The following LRIG2 variants were observed in gnomAD, a reference collection of about 807,000 sequenced individuals.
The protein encoded by LRIG2 is leucine rich repeats and immunoglobulin like domains 2.
A neutral mutation model predicts 107.8 loss-of-function variants in LRIG2; 93 were observed. That is an observed-to-expected ratio of 0.86 (90% CI 0.73 to 1.03). The LOEUF is 1.03. LRIG2 is among the 50% of genes least tolerant of loss of function. The probability of loss-of-function intolerance (pLI) is 0.00; values close to 1 mark genes in which losing one functional copy is unlikely to be tolerated. For missense variants in LRIG2, 1,226 were observed against 1,296.0 expected (o/e 0.95, Z 0.83); for synonymous variants, 471 against 470.6 (o/e 1.00, Z -0.01).
rs749665205 is a variant in LRIG2, at chr1:113,094,654, A to G, written c.702A>G (p.Thr234=). The G allele has an allele frequency of 1.2e-6, 2 of 1,613,872 alleles. No homozygotes were observed. The highest frequency in any genetic ancestry group is 1.7e-6 in the Non-Finnish European group (2 of 1,179,808). The change falls in exon 6 of 18, where the codon ACA becomes ACG. Residue 234 remains threonine, a synonymous_variant. Transcript: ENST00000361127. ...GAATTAAAATTGTGGAAGGTCTTAC[A>G]TTCCAAGGGCTTGACTCCTTAAGAT... ...RNRIKIVEGL[T]FQGLDSLRSL...
chr1:113,116,484 G>T, intron 16 of LRIG2, 48 bp downstream of exon 16: 2 of 1,506,488 alleles, frequency 1.3e-6, no homozygotes, highest in Non-Finnish European at 1.8e-6. Context: ...ATTCTATTGA[G>T]TTTACTTTTC....
intron 12 of LRIG2, 39 bp from the exon 13 acceptor site, chr1:113,110,203 A>G (rs1254084912): frequency 2.1e-6 from 3 of 1,397,582 alleles, no homozygotes; most frequent in African/African-American, 2.9e-5. Flanking sequence ...GCAAAAATAA[A>G]TAACTGACTT....
At chr1:113,118,369 T>A (rs1655106451) in intron 16 of LRIG2, among the ~76,000 whole-genome samples, 1 of 152,264 alleles carries the variant, frequency 6.6e-6, no homozygotes, top group African/African-American at 2.4e-5. Context: ...GCAGGACTTC[T>A]CATTGTCAGA....
In LRIG2 at chr1:113,123,760, T is replaced by TGA. The variant is rs1272037319; in HGVS notation, c.2972-114_2972-113dup. The TGA allele has an allele frequency of 2.3e-5, 16 of 693,952 alleles. No homozygotes were observed. The African/African-American group carries it at 2.8e-4, about 12-fold the overall frequency. The allele number at this position is 693,952 out of a possible 1,614,324, so 43.0% of individuals were successfully genotyped here. A position where few individuals can be genotyped will look rare whatever the true frequency, so the allele number is the denominator to read the frequency against. On this transcript the variant is annotated intron_variant, in intron 17 of 17. Transcript: ENST00000361127. The stretch of plus-strand genomic sequence containing the variant: ...GTGTGTGTGTGTGTGTGTGTGTGTG[T>TGA]GATTTCAGTGTCCCTATTCAGGAAT...
In LRIG2 at chr1:113,085,359, C is replaced by T. The variant is rs1457807640; in HGVS notation, c.240-5959C>T. Among the ~76,000 whole-genome samples, 3 of 152,178 alleles carry T rather than the reference C, an allele frequency of 2.0e-5. No homozygotes were observed. In the East Asian group the frequency reaches 5.8e-4, roughly 29 times the overall value. Reference sequence around the variant, plus strand: ...AGTGCAATGGTGGGATCTCTGCTCACCGCAACCTCCGCCTCCCGGGTTCAA... The same window carrying T: ...AGTGCAATGGTGGGATCTCTGCTCATCGCAACCTCCGCCTCCCGGGTTCAA... On this transcript the variant is annotated intron_variant, in intron 1 of 17. Coordinates refer to ENST00000361127, the MANE Select transcript of LRIG2 (RefSeq NM_014813.3).
In LRIG2 at chr1:113,124,340, C is replaced by T. The variant is rs540504768; in HGVS notation, c.*239C>T. 1.1e-5 allele frequency: 6 copies of T among 548,362 alleles called. No individual in the cohort carries two copies. The highest frequency in any genetic ancestry group is 2.0e-5 in the Non-Finnish European group (6 of 305,096). 34.0% of individuals were successfully genotyped at this position (548,362 alleles called of 1,614,324 possible). A position where few individuals can be genotyped will look rare whatever the true frequency, so the allele number is the denominator to read the frequency against. ...GTGCAGCACCGGCAGAGGGAAGATA[C>T]GGGGCAAATGTGCTTCCTGATGCTT... is the stretch of plus-strand genomic sequence containing the variant. On this transcript the variant is annotated 3_prime_UTR_variant, in exon 18 of 18. Coordinates refer to ENST00000361127, the MANE Select transcript of LRIG2 (RefSeq NM_014813.3).
In LRIG2 at chr1:113,130,959, T is replaced by C. The variant is rs575653740; in HGVS notation, c.*6858T>C. The stretch of plus-strand genomic sequence containing the variant: ...TTACTTTTATTTTTTTAAGACACAG[T>C]CTCGCTTATTGCCCCGGCTGGAGTG... On this transcript the variant is annotated 3_prime_UTR_variant, in exon 18 of 18. Coordinates refer to ENST00000361127, the MANE Select transcript of LRIG2 (RefSeq NM_014813.3). The C allele has an allele frequency of 1.2e-3, 4 of 3,468 alleles. No individual in the cohort carries two copies. The highest frequency in any genetic ancestry group is 1.2e-3 in the African/African-American group (4 of 3,276). The allele number at this position is 3,468 out of a possible 1,614,324, so 0.2% of individuals were successfully genotyped here. A position where few individuals can be genotyped will look rare whatever the true frequency, so the allele number is the denominator to read the frequency against.
intron 13 of LRIG2, among the ~76,000 whole-genome samples, chr1:113,111,466 T>C (rs981691665): frequency 5.9e-5 from 9 of 152,154 alleles, no homozygotes; most frequent in Non-Finnish European, 1.3e-4. Flanking sequence ...TTTTTATCCC[T>C]AGCCCCCGCT....
At chr1:113,119,627 G>C (rs12568813) in intron 17 of LRIG2, 104 bp downstream of exon 17, 342,232 of 999,844 alleles carry the variant, frequency 0.34, 61,671 homozygotes, top group Middle Eastern at 0.46. Context: ...GCAAGCAGAT[G>C]GGTATATAGG....
intron 1 of LRIG2, among the ~76,000 whole-genome samples, chr1:113,087,461 G>C (rs1023382939): frequency 6.6e-6 from 1 of 152,168 alleles, no homozygotes; most frequent in Admixed American, 6.5e-5. Flanking sequence ...CGATTCTCCT[G>C]CCTCAGCCTC....
rs1471028553 is a variant in LRIG2 at position 113,129,370 on chromosome 1, TCTA to T, written c.*5272_*5274del. 1.3e-5 allele frequency: 2 copies of T among 150,352 alleles called. No individual in the cohort carries two copies. The highest frequency in any genetic ancestry group is 4.9e-5 in the African/African-American group (2 of 41,014). The allele number at this position is 150,352 out of a possible 1,614,324, so 9.3% of individuals were successfully genotyped here. A position where few individuals can be genotyped will look rare whatever the true frequency, so the allele number is the denominator to read the frequency against. On this transcript the variant is annotated 3_prime_UTR_variant, in exon 18 of 18. Transcript: ENST00000361127. ...GCCTCTCTGCTCTAGCAGTGGTCCT[TCTA>T]CTGACAGTGCTGTCAGAGTCTGGTC... is the stretch of plus-strand genomic sequence containing the variant.
rs1655595401 is a variant in LRIG2 at position 113,129,010 on chromosome 1, G to A, written c.*4909G>A. ...TGAGAGAGCAGAAGATAGCCTGTGA[G>A]CCAGTGCTCTAGAAAACATCATGTA... On this transcript the variant is annotated 3_prime_UTR_variant, in exon 18 of 18. Coordinates refer to ENST00000361127, the MANE Select transcript of LRIG2 (RefSeq NM_014813.3). 6.6e-6 allele frequency: 1 copy of A among 152,138 alleles called. No individual in the cohort carries two copies. The highest frequency in any genetic ancestry group is 6.6e-5 in the Admixed American group (1 of 15,258). 9.4% of individuals were successfully genotyped at this position (152,138 alleles called of 1,614,324 possible).
In LRIG2 at chr1:113,100,138, T is replaced by TA. The variant is rs1654243576; in HGVS notation, c.1173-72dup. ...GTACGCTACGCTTATTTTCACTTTT[T>TA]ATAGGTAAATGTTTAATGAATTTAA... On this transcript the variant is annotated intron_variant, in intron 9 of 17. Coordinates refer to ENST00000361127, the MANE Select transcript of LRIG2 (RefSeq NM_014813.3). 12 of 876,818 alleles carry TA rather than the reference T, an allele frequency of 1.4e-5. 1 individual carries two copies. The South Asian group carries it at 2.0e-4, about 15-fold the overall frequency. The allele number at this position is 876,818 out of a possible 1,614,324, so 54.3% of individuals were successfully genotyped here.
chr1:113,079,676 A>G (rs1244392105), intron 1 of LRIG2, among the ~76,000 whole-genome samples: 1 of 150,122 alleles, frequency 6.7e-6, no homozygotes. Context: ...CATCTCAAAA[A>G]AAAAAAAGAA....
chr1:113,095,348 C>T (rs1654010508), intron 6 of LRIG2, among the ~76,000 whole-genome samples: 1 of 151,750 alleles, frequency 6.6e-6, no homozygotes, highest in Non-Finnish European at 1.5e-5. Flanking sequence ...TACCACTTGG[C>T]CTGTTGGTTT....
At position 113,131,855 on chromosome 1, in the gene LRIG2, A is replaced by T. The variant is rs1366600901; in HGVS notation, c.*7754A>T. The T allele has an allele frequency of 6.6e-6, 1 of 150,986 alleles. No homozygotes were observed. The highest frequency in any genetic ancestry group is 1.5e-5 in the Non-Finnish European group (1 of 67,950). The allele number at this position is 150,986 out of a possible 1,614,324, so 9.4% of individuals were successfully genotyped here. ...GTGTGTGTGTGTGTGAAGATGGAAT[A>T]GGGTGAAGGTGAAGAAACAGCTTGA... On this transcript the variant is annotated 3_prime_UTR_variant, in exon 18 of 18. Transcript: ENST00000361127.
rs61252084 is a variant in LRIG2, at chr1:113,114,618, C to T, written c.2272C>T (p.Leu758=). The part of the protein sequence containing the change: ...NQLLIIVDAG[L]EDAGKYTCIM... ...GCTTCTCATCATTGTAGATGCCGGG[C>T]TAGAAGATGCTGGGAAATATACCTG... The change falls in exon 15 of 18, where the codon CTA becomes TTA. Residue 758 remains leucine, a synonymous_variant. Coordinates refer to ENST00000361127, the MANE Select transcript of LRIG2 (RefSeq NM_014813.3). The T allele has an allele frequency of 1.9e-6, 3 of 1,613,928 alleles. No homozygotes were observed. The highest frequency in any genetic ancestry group is 2.5e-6 in the Non-Finnish European group (3 of 1,180,022).
Position 113,114,877 on chromosome 1 carries a change from G to T in LRIG2, c.2530+1G>T, listed in dbSNP as rs1028230677. On this transcript the variant is annotated splice_donor_variant, in intron 15 of 17. Transcript: ENST00000361127. LOFTEE classifies it high-confidence loss of function. ...GAAGACTATAGTATCACAAACACAGGTAAGTAGTACCCACATGACACCTAT... is the reference window on the plus strand; with the variant it reads ...GAAGACTATAGTATCACAAACACAGTTAAGTAGTACCCACATGACACCTAT... The T allele has an allele frequency of 2.5e-6, 4 of 1,599,126 alleles. No individual in the cohort carries two copies. Among genetic ancestry groups the T allele is most frequent in the Middle Eastern group, 3.3e-4 (2 of 6,018 alleles).
rs372664679 is a variant in LRIG2, at chr1:113,127,367, A to T, written c.*3266A>T. The T allele has an allele frequency of 7.0e-6, 1 of 142,728 alleles. No homozygotes were observed. Among genetic ancestry groups the T allele is most frequent in the Non-Finnish European group, 1.5e-5 (1 of 66,378 alleles). The allele number at this position is 142,728 out of a possible 1,614,324, so 8.8% of individuals were successfully genotyped here. On this transcript the variant is annotated 3_prime_UTR_variant, in exon 18 of 18. Transcript: ENST00000361127. ...CCCAAGTAGCTGGGATTACAGGCAC[A>T]CCACCATTTCCAGCTTTTTTTTTTT...
Sources: gnomAD v4.1 joint callset for allele counts (sites outside exome capture counted in the v4.1 genomes callset) on GRCh38, gnomAD v4.1.1 for gene constraint, MANE v1.5 for transcripts, NCBI Gene and HGNC (gene_info 2026-07-23, HGNC 2026-07-21) for gene names.